Variants in RP1 observed in about 807,000 individuals in gnomAD.
RP1 encodes RP1 axonemal microtubule associated.
A neutral mutation model predicts 14.8 loss-of-function variants in RP1; 16 were observed. That is an observed-to-expected ratio of 1.08 (90% confidence interval 0.73 to 1.65). The LOEUF (loss-of-function observed/expected upper bound fraction) is 1.65, where lower values mean the gene tolerates loss of function less well. Among genes scored for constraint, RP1 ranks in the 40% most tolerant of loss-of-function variants. The pLI, the probability that RP1 is intolerant of heterozygous loss-of-function variation, is 0.00. For synonymous variants in RP1, 876 were observed against 883.6 expected, an observed-to-expected ratio of 0.99 and a Z score of 0.15; for missense variants, 2,631 against 2,535.0, an observed-to-expected ratio of 1.04 and a Z score of -0.81.
At chr8:54,826,808 A>T (rs1421201320) in intron 24 of RP1, among the ~76,000 whole-genome samples, 1 of 152,184 alleles carries the variant, frequency 6.6e-6, no homozygotes, top group Non-Finnish European at 1.5e-5. Flanking sequence ...AATGATGGGG[A>T]TACCTTTGAC....
chr8:54,674,913 T>G (rs1354000569), intron 8 of RP1, among the ~76,000 whole-genome samples: 1 of 152,210 alleles, frequency 6.6e-6, no homozygotes, highest in Non-Finnish European at 1.5e-5. Context: ...TAGGCCTGAA[T>G]CCATAGTAAA....
chr8:54,661,273 G>GATATATATGATATATAAATGAT (rs1554522261), intron 6 of RP1, among the ~76,000 whole-genome samples: 5 of 19,732 alleles, frequency 2.5e-4, no homozygotes, highest in African/African-American at 5.7e-4. Flanking sequence ...ATATATAAAT[G>GATATATATGATATATAAATGAT]ATATATATGA....
At chr8:54,780,817 C>T (rs1178870466) in intron 23 of RP1, 1 of 520,524 alleles carries the variant, frequency 1.9e-6, no homozygotes, top group Non-Finnish European at 2.5e-6. Flanking sequence ...CAATCCTCCA[C>T]AGATACTGAG....
At chr8:54,783,887 A>T (rs548758028) in intron 24 of RP1, among the ~76,000 whole-genome samples, 1 of 152,314 alleles carries the variant, frequency 6.6e-6, no homozygotes, top group Non-Finnish European at 1.5e-5. Flanking sequence ...AACAACAGGG[A>T]CGTAGGATTT....
In RP1 at chr8:54,627,037, T is replaced by C. The variant is rs546212290; in HGVS notation, c.3155T>C (p.Val1052Ala). 31 of 1,613,930 alleles carry C rather than the reference T, an allele frequency of 1.9e-5. No homozygotes were observed. In the East Asian group the frequency reaches 6.0e-4, roughly 31 times the overall value. Residue 1052 changes from valine (V) to alanine (A), a missense_variant, in exon 4 of 4, where the codon GTT (valine) becomes GCT (alanine). Coordinates refer to ENST00000220676, the MANE Select transcript of RP1 (RefSeq NM_006269.2). Reference protein sequence around the residue: ...AEKSGPEKKLVYQEINLARKR... With the variant: ...AEKSGPEKKLAYQEINLARKR... ...AAATCAGGACCAGAGAAAAAACTTG[T>C]TTACCAGGAAATAAACCTAGCTAGA...
chr8:54,856,830 G>A (rs907412653), intron 26 of RP1, among the ~76,000 whole-genome samples: 44 of 152,294 alleles, frequency 2.9e-4, no homozygotes, highest in African/African-American at 9.6e-4. Flanking sequence ...ACTTAGGAGA[G>A]CAAGAATTAT....
chr8:54,621,171 A>G lies in RP1; in HGVS notation c.205A>G (p.Asn69Asp). 6.2e-7 allele frequency: 1 copy of G among 1,614,156 alleles called. No individual in the cohort carries two copies. The highest frequency in any genetic ancestry group is 8.5e-7 in the Non-Finnish European group (1 of 1,180,024). The change falls in exon 2 of 4, where the codon AAC (asparagine) becomes GAC (aspartate). Residue 69 changes from asparagine (N) to aspartate (D), a missense_variant. Coordinates refer to ENST00000220676, the MANE Select transcript of RP1 (RefSeq NM_006269.2). ...TAAGTCCTTTGATGCTCTGCTGGAT[A>G]ACTTGTCCAGGAAGGTGCCCCTCCC... ...SFKSFDALLD[N>D]LSRKVPLPFG...
intron 5 of RP1, among the ~76,000 whole-genome samples, chr8:54,653,710 G>A (rs2129326613): frequency 6.6e-6 from 1 of 152,222 alleles, no homozygotes; most frequent in South Asian, 2.1e-4. Context: ...CTTACCTTAT[G>A]AAAATACAGA....
intron 24 of RP1, among the ~76,000 whole-genome samples, chr8:54,828,882 CTTTTTTTTTTTTTTT>C (rs201534661): frequency 1.2e-5 from 1 of 83,900 alleles, no homozygotes; most frequent in Non-Finnish European, 2.2e-5. Flanking sequence ...TCTTCTTCTT[CTTTTTTTTTTTTTTT>C]TTTTTTTTTT....
At chr8:54,579,595 G>A (rs145242044) in intron 1 of RP1, among the ~76,000 whole-genome samples, 5 of 152,250 alleles carry the variant, frequency 3.3e-5, no homozygotes, top group East Asian at 3.9e-4. Context: ...CTTATGACAC[G>A]TGATCCTGTA....
chr8:54,794,261 T>C (rs1448455197), intron 24 of RP1, among the ~76,000 whole-genome samples: 3 of 151,916 alleles, frequency 2.0e-5, no homozygotes, highest in Non-Finnish European at 2.9e-5. Flanking sequence ...CAAAGCATTC[T>C]TGAAAAAAAA....
At chr8:54,578,811 G>C (rs1804717319) in intron 1 of RP1, among the ~76,000 whole-genome samples, 1 of 152,148 alleles carries the variant, frequency 6.6e-6, no homozygotes, top group South Asian at 2.1e-4. Flanking sequence ...CACAAGCATG[G>C]TGTAAGCTGG....
At chr8:54,696,375 T>C in intron 12 of RP1, 3 of 601,840 alleles carry the variant, frequency 5.0e-6, no homozygotes, top group South Asian at 2.0e-5. Context: ...TTAGAAAATC[T>C]AACTTTGTGC....
chr8:54,864,129 C>T (rs893122200), intron 27 of RP1, among the ~76,000 whole-genome samples: 1 of 152,062 alleles, frequency 6.6e-6, no homozygotes, highest in African/African-American at 2.4e-5. Flanking sequence ...ACACTGCCAC[C>T]ATTTGAGAGA....
intron 1 of RP1, among the ~76,000 whole-genome samples, chr8:54,602,641 A>G (rs1198137959): frequency 6.6e-6 from 1 of 152,200 alleles, no homozygotes. Flanking sequence ...GAACCAGTTT[A>G]CAGTCCCAGT....
chr8:54,626,184 T>A lies in RP1; in HGVS notation c.2302T>A (p.Ser768Thr). 1 of 1,611,016 alleles carries A rather than the reference T, an allele frequency of 6.2e-7. No homozygotes were observed. Among genetic ancestry groups the A allele is most frequent in the Non-Finnish European group, 8.5e-7 (1 of 1,178,716 alleles). Residue 768 changes from serine (S) to threonine (T), a missense_variant, in exon 4 of 4, where the codon TCC becomes ACC. Physicochemically the swap from Ser to Thr is moderately conservative, Grantham distance 58 (BLOSUM62 1). Transcript: ENST00000220676. ...AAATAAATTAAATACTACTCAAAAT[T>A]CCAAGGTTCAAGGACTTTTAACCAA... Reference protein sequence around the residue: ...HRNKLNTTQNSKVQGLLTKRK... With the variant: ...HRNKLNTTQNTKVQGLLTKRK...
chr8:54,846,760 C>T (rs762670597), intron 25 of RP1, among the ~76,000 whole-genome samples: 6 of 152,142 alleles, frequency 3.9e-5, no homozygotes, highest in Non-Finnish European at 8.8e-5. Context: ...GGATATCATC[C>T]TCATGTCTGA....
chr8:54,585,405 C>T (rs1383302145), intron 1 of RP1, among the ~76,000 whole-genome samples: 1 of 152,166 alleles, frequency 6.6e-6, no homozygotes, highest in East Asian at 1.9e-4. Context: ...GGTGACCCGA[C>T]CTTTCTCTCT....
intron 14 of RP1, among the ~76,000 whole-genome samples, chr8:54,702,700 CTA>C (rs1379790689): frequency 6.6e-6 from 1 of 152,114 alleles, no homozygotes; most frequent in African/African-American, 2.4e-5. Context: ...AAAGATTTCT[CTA>C]TAGCATGCAA....
Sources: gnomAD v4.1 joint callset for allele counts (sites outside exome capture counted in the v4.1 genomes callset) on GRCh38, gnomAD v4.1.1 for gene constraint, MANE v1.5 for transcripts, NCBI Gene and HGNC (gene_info 2026-07-23, HGNC 2026-07-21) for gene names.